XXYLT1: variants seen among roughly 807,000 people sequenced by gnomAD.
XXYLT1 encodes xyloside xylosyltransferase 1, also known as UDP-xylose:alpha-xyloside alpha-1,3-xylosyltransferase.
XXYLT1 carries 20 observed loss-of-function variants against 28.9 expected under a neutral mutation model. The ratio of observed to expected loss-of-function variants is 0.69; its 90% confidence interval spans 0.49 to 1.00. The LOEUF (loss-of-function observed/expected upper bound fraction) is 1.00, where lower values mean the gene tolerates loss of function less well. Among genes scored for constraint, XXYLT1 ranks in the 50% least tolerant of loss-of-function variants. The pLI, the probability that XXYLT1 is intolerant of heterozygous loss-of-function variation, is 0.00. For missense variants in XXYLT1, 542 were observed against 560.1 expected, an observed-to-expected ratio of 0.97 and a Z score of 0.33; for synonymous variants, 257 against 253.8, an observed-to-expected ratio of 1.01 and a Z score of -0.12.
At chr3:195,204,476 ACT>A (rs61196221) in intron 2 of XXYLT1, among the ~76,000 whole-genome samples, 4,397 of 124,486 alleles carry the variant, frequency 0.035, 58 homozygotes, top group Admixed American at 0.041. Context: ...TCACTCTCTC[ACT>A]CTCTCTCTCT....
intron 1 of XXYLT1, among the ~76,000 whole-genome samples, chr3:195,227,837 C>G (rs1458678477): frequency 1.3e-5 from 2 of 152,220 alleles, no homozygotes; most frequent in African/African-American, 4.8e-5. Context: ...GCGATTAGAG[C>G]AGACAAGAGT....
At chr3:195,196,037 T>A (rs1202487968) in intron 2 of XXYLT1, among the ~76,000 whole-genome samples, 2 of 152,096 alleles carry the variant, frequency 1.3e-5, no homozygotes, top group Non-Finnish European at 2.9e-5. Flanking sequence ...CAATGTTGGC[T>A]TCTTCAATCA....
chr3:195,126,244 AC>A (rs1278277158), intron 3 of XXYLT1, among the ~76,000 whole-genome samples: 2 of 152,194 alleles, frequency 1.3e-5, no homozygotes, highest in Non-Finnish European at 2.9e-5. Context: ...AGGCTGCCAG[AC>A]CCAGGCCTGC....
At chr3:195,248,688 C>T (rs934780227) in intron 1 of XXYLT1, among the ~76,000 whole-genome samples, 4 of 152,162 alleles carry the variant, frequency 2.6e-5, no homozygotes, top group Admixed American at 1.3e-4. Flanking sequence ...GAGGCCAAGG[C>T]GGGTGGATAA....
chr3:195,146,169 A>G (rs1719835637), intron 3 of XXYLT1, among the ~76,000 whole-genome samples: 1 of 152,240 alleles, frequency 6.6e-6, no homozygotes, highest in African/African-American at 2.4e-5. Flanking sequence ...GGAGCCATAT[A>G]GAAATTCCCT....
intron 1 of XXYLT1, among the ~76,000 whole-genome samples, chr3:195,246,297 G>T (rs1725021276): frequency 6.6e-6 from 1 of 152,242 alleles, no homozygotes; most frequent in Non-Finnish European, 1.5e-5. Flanking sequence ...AAAGGATCCA[G>T]TGCCCTCTCT....
chr3:195,162,400 G>A (rs1263118923), intron 2 of XXYLT1, among the ~76,000 whole-genome samples: 1 of 152,230 alleles, frequency 6.6e-6, no homozygotes, highest in East Asian at 1.9e-4. Context: ...AAAGGAAACA[G>A]AGTTCATAGA....
At chr3:195,120,345 TGG>T (rs1405452679) in intron 3 of XXYLT1, among the ~76,000 whole-genome samples, 3 of 139,724 alleles carry the variant, frequency 2.1e-5, no homozygotes, top group Non-Finnish European at 4.6e-5. Flanking sequence ...AGCTTCAGGC[TGG>T]GCATGGAATC....
rs187498279 is a variant in XXYLT1, at chr3:195,257,354, G to C, written c.504+13201C>G. 6.6e-5 allele frequency among the ~76,000 whole-genome samples: 10 copies of C among 152,320 alleles called. No homozygotes were observed. In the East Asian group the frequency reaches 1.9e-3, roughly 29 times the overall value. On this transcript the variant is annotated intron_variant, in intron 1 of 3. Transcript: ENST00000310380. This position sits in a 1 kb window ranked among gnomAD's most constrained non-coding sequence, Gnocchi z 4.3. Reference sequence around the variant, plus strand: ...AATAAGACACAGTGCTCATCCCCCAGCAGCTGGCAGAAGGGCCAGTGTCAG... The same window carrying C: ...AATAAGACACAGTGCTCATCCCCCACCAGCTGGCAGAAGGGCCAGTGTCAG...
intron 2 of XXYLT1, among the ~76,000 whole-genome samples, chr3:195,201,877 C>T (rs889608246): frequency 2.6e-5 from 4 of 152,150 alleles, no homozygotes; most frequent in African/African-American, 7.2e-5. Flanking sequence ...AAGAGCTAAC[C>T]GACAACTAAG....
chr3:195,203,972 C>T (rs1400594605), intron 2 of XXYLT1, among the ~76,000 whole-genome samples: 3 of 152,284 alleles, frequency 2.0e-5, no homozygotes, highest in African/African-American at 4.8e-5. Flanking sequence ...CTAAAGGAGG[C>T]GGCGAGGCAA....
intron 2 of XXYLT1, among the ~76,000 whole-genome samples, chr3:195,190,036 G>T (rs2108750188): frequency 6.6e-6 from 1 of 151,754 alleles, no homozygotes; most frequent in South Asian, 2.1e-4. Context: ...ATGGAGACCA[G>T]AAGGCAATGT....
intron 3 of XXYLT1, among the ~76,000 whole-genome samples, chr3:195,110,858 A>AGTGTGTGTG (rs1560101739): frequency 4.2e-4 from 5 of 11,876 alleles, no homozygotes; most frequent in Non-Finnish European, 1.0e-3. Flanking sequence ...GTGTTGTATA[A>AGTGTGTGTG]GTGTGTGTGT....
chr3:195,147,798 G>A (rs1430841560), intron 3 of XXYLT1: 3 of 152,200 alleles, frequency 2.0e-5, no homozygotes, highest in Non-Finnish European at 4.4e-5. Context: ...AGAACAGAAG[G>A]GCTGCCTCCC....
chr3:195,075,408 C>A (rs1296402372), intron 3 of XXYLT1, among the ~76,000 whole-genome samples: 1 of 152,262 alleles, frequency 6.6e-6, no homozygotes, highest in African/African-American at 2.4e-5. Flanking sequence ...GGCTCAAAAA[C>A]TGGCCTGTCC....
intron 1 of XXYLT1, among the ~76,000 whole-genome samples, chr3:195,246,645 G>A (rs772135378): frequency 1.1e-4 from 17 of 152,234 alleles, no homozygotes; most frequent in Non-Finnish European, 2.4e-4. Flanking sequence ...CCAGGCTGAT[G>A]AGGAATAAAC....
chr3:195,227,856 G>A (rs1278574305), intron 1 of XXYLT1, among the ~76,000 whole-genome samples: 5 of 152,204 alleles, frequency 3.3e-5, no homozygotes, highest in African/African-American at 7.2e-5. Context: ...GTACTAACGC[G>A]ATCCTGAGTT....
chr3:195,235,406 T>G (rs7427406), intron 1 of XXYLT1, among the ~76,000 whole-genome samples: 1 of 152,254 alleles, frequency 6.6e-6, no homozygotes, highest in Non-Finnish European at 1.5e-5. Flanking sequence ...GATAGGATTC[T>G]GAATTCCTTC....
intron 3 of XXYLT1, among the ~76,000 whole-genome samples, chr3:195,123,376 A>G (rs1482079309): frequency 6.6e-6 from 1 of 152,086 alleles, no homozygotes; most frequent in Non-Finnish European, 1.5e-5. Context: ...TGACGGAATT[A>G]CAGAGGGCTT....
Sources: gnomAD v4.1 joint callset for allele counts (sites outside exome capture counted in the v4.1 genomes callset) on GRCh38, gnomAD v4.1.1 for gene constraint, Gnocchi (gnomAD v3.1) non-coding constraint, MANE v1.5 for transcripts, NCBI Gene and HGNC (gene_info 2026-07-23, HGNC 2026-07-21) for gene names.